ABI1: variants seen among roughly 807,000 people sequenced by gnomAD.
The protein encoded by ABI1 is Abelson interactor 1.
In ABI1, 14 loss-of-function variants were observed where a neutral mutation model predicts 54.6. The observed-to-expected ratio is 0.26, with a 90% confidence interval of 0.17 to 0.40. The LOEUF is 0.40. ABI1 is among the 10% of genes least tolerant of loss of function. The pLI, the probability that ABI1 is intolerant of heterozygous loss-of-function variation, is 1.00. For synonymous variants in ABI1, 194 were observed against 209.3 expected, an observed-to-expected ratio of 0.93 and a Z score of 0.63; for missense variants, 443 against 598.3, an observed-to-expected ratio of 0.74 and a Z score of 2.71.
chr10:26,830,623 T>TC (rs2048603465), intron 1 of ABI1, among the ~76,000 whole-genome samples: 1 of 131,426 alleles, frequency 7.6e-6, no homozygotes, highest in South Asian at 2.5e-4. Flanking sequence ...CCTGTCTCCT[T>TC]TAAAAAAAAA....
intron 2 of ABI1, among the ~76,000 whole-genome samples, chr10:26,819,981 T>C (rs1402223773): frequency 1.3e-5 from 2 of 152,050 alleles, no homozygotes; most frequent in African/African-American, 4.8e-5. Flanking sequence ...TCTAAAAAAA[T>C]CAAAGCTCAC....
At chr10:26,796,434 A>G (rs1209503936) in intron 2 of ABI1, among the ~76,000 whole-genome samples, 1 of 152,208 alleles carries the variant, frequency 6.6e-6, no homozygotes, top group Non-Finnish European at 1.5e-5. Flanking sequence ...AATTGCCTAC[A>G]GGACTGAGGA....
intron 3 of ABI1, among the ~76,000 whole-genome samples, chr10:26,772,945 C>T (rs999297687): frequency 7.3e-5 from 11 of 151,686 alleles, no homozygotes; most frequent in African/African-American, 2.2e-4. Flanking sequence ...GGCATAGTGG[C>T]GCACACCTGT....
chr10:26,839,653 A>C, intron 1 of ABI1: 1 of 494,808 alleles, frequency 2.0e-6, no homozygotes, highest in Non-Finnish European at 3.6e-6. Context: ...CTTCTGTTTA[A>C]AAAAAAAAAA....
intron 1 of ABI1, among the ~76,000 whole-genome samples, chr10:26,846,465 C>T (rs530845671): frequency 2.6e-5 from 4 of 151,926 alleles, no homozygotes; most frequent in African/African-American, 9.7e-5. Context: ...GCCTCAGCCT[C>T]CTGAGTGGCT....
At chr10:26,775,049 T>A (rs1841210387) in intron 3 of ABI1, among the ~76,000 whole-genome samples, 1 of 152,234 alleles carries the variant, frequency 6.6e-6, no homozygotes, top group African/African-American at 2.4e-5. Flanking sequence ...TGTCTCACTA[T>A]CCTCAAAACA....
chr10:26,851,521 T>C (rs1395327865), intron 1 of ABI1, among the ~76,000 whole-genome samples: 1 of 151,794 alleles, frequency 6.6e-6, no homozygotes, highest in Non-Finnish European at 1.5e-5. Context: ...AGTTAATCCA[T>C]AAAGGAGAGA....
At chr10:26,821,756 G>A (rs955780397) in intron 2 of ABI1, among the ~76,000 whole-genome samples, 1 of 149,540 alleles carries the variant, frequency 6.7e-6, no homozygotes, top group South Asian at 2.1e-4. Context: ...CCAAGATCAC[G>A]CCATTGCACT....
chr10:26,852,249 A>G (rs7895417), intron 1 of ABI1, among the ~76,000 whole-genome samples: 87,335 of 151,998 alleles, frequency 0.57, 27,251 homozygotes, highest in African/African-American at 0.83. Flanking sequence ...GGAGGCCGAG[A>G]TGGGTGGATC....
intron 3 of ABI1, among the ~76,000 whole-genome samples, chr10:26,774,488 A>G (rs1444477919): frequency 6.6e-6 from 1 of 152,128 alleles, no homozygotes; most frequent in Non-Finnish European, 1.5e-5. Context: ...TCTTCTTTTC[A>G]TTCTCCTTTA....
At chr10:26,855,970 CAAAAAA>C (rs11369827) in intron 1 of ABI1, among the ~76,000 whole-genome samples, 31 of 80,602 alleles carry the variant, frequency 3.8e-4, no homozygotes, top group Middle Eastern at 9.4e-3. Context: ...GACTCCATCT[CAAAAAA>C]AAAAAAAAAA....
chr10:26,849,434 C>A (rs10829110), intron 1 of ABI1, among the ~76,000 whole-genome samples: 4 of 151,878 alleles, frequency 2.6e-5, no homozygotes, highest in African/African-American at 4.8e-5. Flanking sequence ...ATATTGTATA[C>A]GACAAAATGG....
At chr10:26,852,435 T>C (rs938965515) in intron 1 of ABI1, among the ~76,000 whole-genome samples, 1 of 152,140 alleles carries the variant, frequency 6.6e-6, no homozygotes, top group African/African-American at 2.4e-5. Flanking sequence ...GCAGAGATTG[T>C]GCCATTATAC....
chr10:26,784,928 A>G (rs951676008), intron 2 of ABI1, among the ~76,000 whole-genome samples: 2 of 152,210 alleles, frequency 1.3e-5, no homozygotes, highest in African/African-American at 4.8e-5. Context: ...TTGGGCCAAG[A>G]GTAAAGTCAG....
chr10:26,840,390 G>A (rs532092425), intron 1 of ABI1, among the ~76,000 whole-genome samples: 43 of 152,252 alleles, frequency 2.8e-4, no homozygotes, highest in African/African-American at 7.9e-4. Flanking sequence ...CTTCTTATAC[G>A]GTCTGCAGAA....
chr10:26,762,438 T>C (rs910584916), intron 7 of ABI1, among the ~76,000 whole-genome samples: 6 of 152,112 alleles, frequency 3.9e-5, no homozygotes, highest in African/African-American at 1.4e-4. Context: ...AGATACTGAT[T>C]GTCTGGGGAT....
Position 26,860,931 on chromosome 10 carries a change from C to A in ABI1, c.-68G>T, listed in dbSNP as rs144851565. 1.3e-3 allele frequency: 1,909 copies of A among 1,440,942 alleles called. 4 individuals carry two copies. The highest frequency in any genetic ancestry group is 9.2e-3 in the Middle Eastern group (53 of 5,732). The allele number at this position is 1,440,942 out of a possible 1,614,324, so 89.3% of individuals were successfully genotyped here. On this transcript the variant is annotated 5_prime_UTR_variant, in exon 1 of 11. Coordinates refer to ENST00000376140, the MANE Select transcript of ABI1 (RefSeq NM_001012750.3). This position sits in a 1 kb window ranked among gnomAD's most constrained non-coding sequence, Gnocchi z 4.1. ...GAGGCAGCAAGGTCCGCCGAGGCTC[C>A]GAGCACCTCACAGCCCGGATACAAA...
At chr10:26,824,517 A>C (rs2048183550) in intron 1 of ABI1, among the ~76,000 whole-genome samples, 2 of 152,158 alleles carry the variant, frequency 1.3e-5, no homozygotes, top group Admixed American at 1.3e-4. Flanking sequence ...ATATCTCCAC[A>C]CAATAGAGTA....
chr10:26,800,131 C>T (rs1369741243), intron 2 of ABI1, among the ~76,000 whole-genome samples: 1 of 152,126 alleles, frequency 6.6e-6, no homozygotes, highest in African/African-American at 2.4e-5. Flanking sequence ...AGCCTGTAAT[C>T]CCAACACTTT....
Sources: allele counts gnomAD v4.1 joint callset (sites outside exome capture counted in the v4.1 genomes callset), GRCh38; gene constraint gnomAD v4.1.1; non-coding constraint Gnocchi (gnomAD v3.1); transcripts MANE v1.5; gene names NCBI Gene and HGNC (gene_info 2026-07-23, HGNC 2026-07-21).